The following TMEM33 variants were observed in gnomAD, a reference collection of about 807,000 sequenced individuals.
The protein encoded by TMEM33 is transmembrane protein 33.
Under a neutral mutation model 29.7 loss-of-function variants are expected in TMEM33, and 16 were observed. The ratio of observed to expected loss-of-function variants is 0.54; its 90% CI spans 0.36 to 0.82. The LOEUF is 0.82. Ranked by LOEUF, TMEM33 falls within the 40% of genes least tolerant of loss-of-function variation. The pLI, the probability that TMEM33 is intolerant of heterozygous loss-of-function variation, is 0.00. For missense variants in TMEM33, 252 were observed against 295.3 expected, an observed-to-expected ratio of 0.85 and a Z score of 1.08; for synonymous variants, 112 against 109.4, an observed-to-expected ratio of 1.02 and a Z score of -0.15.
intron 2 of TMEM33, 126 bp downstream of exon 2, chr4:41,938,822 C>A: frequency 1.3e-6 from 1 of 794,670 alleles, no homozygotes; most frequent in South Asian, 1.6e-5. Context: ...CAAGTTCCAG[C>A]CTTCAGGTAC....
chr4:41,958,751 C>CAGGCTGG lies in TMEM33; in HGVS notation c.*4555_*4561dup, dbSNP rs1713368638. On this transcript the variant is annotated 3_prime_UTR_variant, in exon 7 of 7. Coordinates refer to ENST00000504986, the MANE Select transcript of TMEM33 (RefSeq NM_018126.3). ...TGAGACAGATTCTCACTCAGTTGCC[C>CAGGCTGG]AGGCTGGAGTGCAGTGGTGCAGTCT... 7.1e-6 allele frequency: 1 copy of CAGGCTGG among 141,710 alleles called. No individual in the cohort carries two copies. The highest frequency in any genetic ancestry group is 1.5e-5 in the Non-Finnish European group (1 of 66,510). The allele number at this position is 141,710 out of a possible 1,614,324, so 8.8% of individuals were successfully genotyped here.
At chr4:41,948,111 A>G (rs951732233) in intron 5 of TMEM33, among the ~76,000 whole-genome samples, 1 of 152,120 alleles carries the variant, frequency 6.6e-6, no homozygotes, top group Non-Finnish European at 1.5e-5. Context: ...AGTGGGGTGT[A>G]TGTGTGTAAG....
intron 6 of TMEM33, among the ~76,000 whole-genome samples, chr4:41,952,869 G>C (rs142832159): frequency 1.6e-4 from 24 of 152,060 alleles, no homozygotes; most frequent in African/African-American, 5.8e-4. Context: ...GGGACAATAT[G>C]TACATTTAAG....
intron 1 of TMEM33, among the ~76,000 whole-genome samples, chr4:41,938,173 T>TA (rs2153126380): frequency 6.7e-6 from 1 of 149,218 alleles, no homozygotes; most frequent in South Asian, 2.1e-4. Flanking sequence ...GGATTTGAGA[T>TA]TTTTTGCTAA....
chr4:41,936,878 A>C (rs941129279), intron 1 of TMEM33, among the ~76,000 whole-genome samples: 1 of 152,180 alleles, frequency 6.6e-6, no homozygotes, highest in African/African-American at 2.4e-5. Context: ...AGCATTTTAC[A>C]TTGATTTATC....
chr4:41,936,969 T>C (rs1405857177), intron 1 of TMEM33, among the ~76,000 whole-genome samples: 1 of 152,180 alleles, frequency 6.6e-6, no homozygotes, highest in African/African-American at 2.4e-5. Context: ...CTTTTTTCCT[T>C]TCTAATTAAA....
chr4:41,942,401 G>C (rs1712582761), intron 3 of TMEM33, among the ~76,000 whole-genome samples: 1 of 152,108 alleles, frequency 6.6e-6, no homozygotes, highest in Non-Finnish European at 1.5e-5. Flanking sequence ...CTAATACTTG[G>C]ATATAGGTTG....
intron 6 of TMEM33, among the ~76,000 whole-genome samples, chr4:41,953,386 C>T (rs2135752): frequency 0.028 from 4,289 of 152,298 alleles, 218 homozygotes; most frequent in African/African-American, 0.098. Flanking sequence ...CTGCTAAGTG[C>T]GCAATAGCAT....
rs1365192912 is a variant in TMEM33, at chr4:41,935,491, G to C, written c.7G>C (p.Asp3His). 6.2e-7 allele frequency: 1 copy of C among 1,609,874 alleles called. No homozygotes were observed. Among genetic ancestry groups the C allele is most frequent in the African/African-American group, 1.3e-5 (1 of 75,060 alleles). The change falls in exon 1 of 7, where the codon GAT (aspartate) becomes CAT (histidine). Residue 3 changes from aspartate to histidine, a missense_variant. By Grantham distance (81) the Asp-to-His change is moderately conservative. Coordinates refer to ENST00000504986, the MANE Select transcript of TMEM33 (RefSeq NM_018126.3). Reference sequence around the variant, plus strand: ...GACGCTAGTGTGAGCCCCCATGGCAGATACGACCCCGAACGGCCCCCAAGG... The same window carrying C: ...GACGCTAGTGTGAGCCCCCATGGCACATACGACCCCGAACGGCCCCCAAGG... MA[D>H]TTPNGPQGAG...
intron 5 of TMEM33, among the ~76,000 whole-genome samples, chr4:41,946,082 T>G (rs1712774483): frequency 6.6e-6 from 1 of 151,192 alleles, no homozygotes; most frequent in Admixed American, 6.6e-5. Flanking sequence ...GTTCTGTTTT[T>G]TTTTTTTTTT....
At position 41,935,495 on chromosome 4, in the gene TMEM33, C is replaced by A. The variant is rs1278756957; in HGVS notation, c.11C>A (p.Thr4Lys). 6.2e-7 allele frequency: 1 copy of A among 1,609,632 alleles called. No individual in the cohort carries two copies. The highest frequency in any genetic ancestry group is 1.7e-5 in the Admixed American group (1 of 59,270). Residue 4 changes from threonine to lysine, a missense_variant, in exon 1 of 7, where the codon ACG becomes AAG. Thr to Lys is a moderately conservative substitution (Grantham distance 78, BLOSUM62 -1). Coordinates refer to ENST00000504986, the MANE Select transcript of TMEM33 (RefSeq NM_018126.3). Reference sequence around the variant, plus strand: ...CTAGTGTGAGCCCCCATGGCAGATACGACCCCGAACGGCCCCCAAGGGGCG... The same window carrying A: ...CTAGTGTGAGCCCCCATGGCAGATAAGACCCCGAACGGCCCCCAAGGGGCG... MAD[T>K]TPNGPQGAGA... is the part of the protein sequence containing the mutation.
At position 41,938,754 on chromosome 4, in the gene TMEM33, A is replaced by G; in HGVS notation, c.140+58A>G. 2.0e-6 allele frequency: 3 copies of G among 1,527,872 alleles called. No homozygotes were observed. The South Asian group carries it at 3.4e-5, about 17-fold the overall frequency. The allele number at this position is 1,527,872 out of a possible 1,614,324, so 94.6% of individuals were successfully genotyped here. A position where few individuals can be genotyped will look rare whatever the true frequency, so the allele number is the denominator to read the frequency against. On this transcript the variant is annotated intron_variant, in intron 2 of 6. Coordinates refer to ENST00000504986, the MANE Select transcript of TMEM33 (RefSeq NM_018126.3). ...TCAATTGTTGAGTCAGTTTATATGG[A>G]GTGCCTTTTAGGTGTAAGACTTATT...
upstream of TMEM33, chr4:41,935,362 C>T: frequency 1.8e-6 from 2 of 1,081,434 alleles, no homozygotes; most frequent in Non-Finnish European, 1.4e-6. Flanking sequence ...AGGGTGCATC[C>T]GGCCTGTGTG....
At chr4:41,935,403 T>C, upstream of TMEM33, 1 of 1,455,108 alleles carries the variant, frequency 6.9e-7, no homozygotes, top group Admixed American at 2.0e-5. Context: ...GGTACCCGGG[T>C]CCTGGCCCCA....
At chr4:41,945,067 A>G in intron 5 of TMEM33, 141 bp downstream of exon 5, 3 of 1,013,086 alleles carry the variant, frequency 3.0e-6, no homozygotes, top group Non-Finnish European at 4.2e-6. Flanking sequence ...TGCCTAATCT[A>G]ACCTTTGTCA....
chr4:41,952,436 T>C (rs1393305634), intron 6 of TMEM33, among the ~76,000 whole-genome samples: 1 of 152,190 alleles, frequency 6.6e-6, no homozygotes, highest in Non-Finnish European at 1.5e-5. Flanking sequence ...TGTGAATGGT[T>C]AAAATTACCC....
At chr4:41,946,468 A>T (rs1418385810) in intron 5 of TMEM33, among the ~76,000 whole-genome samples, 1 of 152,194 alleles carries the variant, frequency 6.6e-6, no homozygotes, top group Non-Finnish European at 1.5e-5. Flanking sequence ...CTAAGAACAG[A>T]GTTTTATAGA....
At chr4:41,945,365 A>T (rs1425152630) in intron 5 of TMEM33, among the ~76,000 whole-genome samples, 1 of 152,222 alleles carries the variant, frequency 6.6e-6, no homozygotes, top group Admixed American at 6.5e-5. Context: ...TAAAAGTATG[A>T]ACATTAAAAT....
intron 5 of TMEM33, among the ~76,000 whole-genome samples, chr4:41,945,212 G>C (rs1043547241): frequency 1.3e-5 from 2 of 152,120 alleles, no homozygotes; most frequent in African/African-American, 4.8e-5. Context: ...ATCTAGTCCA[G>C]TCTGTCACTA....
Sources: allele counts gnomAD v4.1 joint callset (sites outside exome capture counted in the v4.1 genomes callset), GRCh38; gene constraint gnomAD v4.1.1; transcripts MANE v1.5; gene names NCBI Gene and HGNC (gene_info 2026-07-23, HGNC 2026-07-21).